The following CSNK1G1 variants were observed in gnomAD, a reference collection of about 807,000 sequenced individuals.
CSNK1G1 encodes the protein casein kinase 1 gamma 1.
Under a neutral mutation model 59.6 loss-of-function variants are expected in CSNK1G1, and 22 were observed. The ratio of observed to expected loss-of-function variants is 0.37; its 90% CI spans 0.26 to 0.53. The LOEUF is 0.53. CSNK1G1 is among the 20% of genes least tolerant of loss of function. The probability of loss-of-function intolerance (pLI) is 0.89; values close to 1 mark genes in which losing one functional copy is unlikely to be tolerated. For synonymous variants in CSNK1G1, 179 were observed against 177.1 expected, an observed-to-expected ratio of 1.01 and a Z score of -0.08; for missense variants, 384 against 519.5, an observed-to-expected ratio of 0.74 and a Z score of 2.54.
Position 64,300,734 on chromosome 15 carries a change from A to C in CSNK1G1, c.-224-11T>G. The C allele has an allele frequency of 8.1e-7, 1 of 1,234,404 alleles. No individual in the cohort carries two copies. Among genetic ancestry groups the C allele is most frequent in the Non-Finnish European group, 1.0e-6 (1 of 987,602 alleles). The allele number at this position is 1,234,404 out of a possible 1,614,324, so 76.5% of individuals were successfully genotyped here. ...TGAACATCTTGTAACCTAGGTAAAAATCAAGAAAACATGTAGTTAAAAATT... is the reference window on the plus strand; with the variant it reads ...TGAACATCTTGTAACCTAGGTAAAACTCAAGAAAACATGTAGTTAAAAATT... On this transcript the variant is annotated splice_polypyrimidine_tract_variant and intron_variant, in intron 1 of 11. Coordinates refer to ENST00000303052, the MANE Select transcript of CSNK1G1 (RefSeq NM_022048.5).
chr15:64,225,735 T>C (rs1313028405), intron 4 of CSNK1G1, among the ~76,000 whole-genome samples: 1 of 152,198 alleles, frequency 6.6e-6, no homozygotes, highest in African/African-American at 2.4e-5. Flanking sequence ...CAACTGATTC[T>C]CCTGCCTCAG....
chr15:64,276,901 C>G (rs981942304), intron 2 of CSNK1G1, among the ~76,000 whole-genome samples: 1 of 148,494 alleles, frequency 6.7e-6, no homozygotes, highest in African/African-American at 2.5e-5. Flanking sequence ...GAGCCAAGAT[C>G]GCACCAGTGC....
At chr15:64,313,821 C>CT (rs1012367923) in intron 1 of CSNK1G1, among the ~76,000 whole-genome samples, 7 of 144,156 alleles carry the variant, frequency 4.9e-5, no homozygotes, top group Non-Finnish European at 9.1e-5. Context: ...AAACCAAGAA[C>CT]TTTTTTTTTA....
intron 10 of CSNK1G1, among the ~76,000 whole-genome samples, chr15:64,191,399 G>A (rs2081968685): frequency 6.6e-6 from 1 of 152,064 alleles, no homozygotes; most frequent in African/African-American, 2.4e-5. Context: ...AAAATGGCTG[G>A]AAATGTATGT....
At chr15:64,197,331 A>C (rs866247920) in intron 10 of CSNK1G1, among the ~76,000 whole-genome samples, 3 of 152,136 alleles carry the variant, frequency 2.0e-5, no homozygotes, top group Admixed American at 1.3e-4. Flanking sequence ...ACTCCCAAAT[A>C]TCTCTCTAGT....
chr15:64,277,836 T>A (rs866910824), intron 2 of CSNK1G1, among the ~76,000 whole-genome samples: 73 of 138,954 alleles, frequency 5.3e-4, no homozygotes, highest in Middle Eastern at 3.6e-3. Context: ...AATAATAATA[T>A]TGATATATTT....
intron 2 of CSNK1G1, among the ~76,000 whole-genome samples, chr15:64,294,960 G>A (rs1402410608): frequency 2.0e-5 from 3 of 150,668 alleles, no homozygotes; most frequent in East Asian, 1.9e-4. Flanking sequence ...GGCCAGGCGC[G>A]GTGGCTCATG....
intron 6 of CSNK1G1, among the ~76,000 whole-genome samples, chr15:64,211,407 G>A (rs1156515813): frequency 6.6e-6 from 1 of 152,100 alleles, no homozygotes; most frequent in Non-Finnish European, 1.5e-5. Flanking sequence ...TGTATTCTCT[G>A]TAATGCAGAG....
chr15:64,184,676 CAAAA>C (rs59052389), intron 10 of CSNK1G1, among the ~76,000 whole-genome samples: 8 of 81,468 alleles, frequency 9.8e-5, no homozygotes, highest in Admixed American at 1.3e-4. Flanking sequence ...AACTCTGTCT[CAAAA>C]AAAAAAAAAA....
chr15:64,171,840 A>T lies in CSNK1G1; in HGVS notation c.*91T>A. The T allele has an allele frequency of 2.6e-6, 3 of 1,144,100 alleles. No individual in the cohort carries two copies. The highest frequency in any genetic ancestry group is 2.7e-6 in the Non-Finnish European group (2 of 754,486). The allele number at this position is 1,144,100 out of a possible 1,614,324, so 70.9% of individuals were successfully genotyped here. The stretch of plus-strand genomic sequence containing the variant: ...TGGTTTGGATATCCACCCTCCCCCA[A>T]AGAGGAGTCCCTTCCAATGAGAAAT... On this transcript the variant is annotated 3_prime_UTR_variant, in exon 12 of 12. Coordinates refer to ENST00000303052, the MANE Select transcript of CSNK1G1 (RefSeq NM_022048.5). The surrounding 1 kb of genome is among the most constrained non-coding windows in gnomAD (Gnocchi z 4.8).
rs1171871487 is a variant in CSNK1G1, at chr15:64,217,087, C to T, written c.293-374G>A. 2.6e-5 allele frequency among the ~76,000 whole-genome samples: 4 copies of T among 152,228 alleles called. No homozygotes were observed. In the East Asian group the frequency reaches 7.7e-4, roughly 29 times the overall value. ...TCACTGAGCTCAAAGGCCAGGCTAA[C>T]ATAACTTGTTACATTATCTGGTTCA... On this transcript the variant is annotated intron_variant, in intron 4 of 11. Transcript: ENST00000303052.
At chr15:64,247,871 A>G (rs1452926518) in intron 4 of CSNK1G1, among the ~76,000 whole-genome samples, 1 of 152,232 alleles carries the variant, frequency 6.6e-6, no homozygotes, top group Non-Finnish European at 1.5e-5. Flanking sequence ...TTAAATTCAT[A>G]ATCAATCATT....
chr15:64,243,996 C>T (rs1439948481), intron 4 of CSNK1G1, among the ~76,000 whole-genome samples: 3 of 151,904 alleles, frequency 2.0e-5, no homozygotes, highest in Non-Finnish European at 1.5e-5. Flanking sequence ...TGGTGAAACC[C>T]CGTCTCTACT....
rs916417428 is a variant in CSNK1G1, at chr15:64,169,567, T to C, written c.*2364A>G. 2.0e-5 allele frequency: 3 copies of C among 152,236 alleles called. No homozygotes were observed. The highest frequency in any genetic ancestry group is 4.4e-5 in the Non-Finnish European group (3 of 68,066). The allele number at this position is 152,236 out of a possible 1,614,324, so 9.4% of individuals were successfully genotyped here. A position where few individuals can be genotyped will look rare whatever the true frequency, so the allele number is the denominator to read the frequency against. ...CCCTCTCTTGAGAGGCAAGGCATTTTCTATACAGGGGTGAGGAAAAGTTAA... is the reference window on the plus strand; with the variant it reads ...CCCTCTCTTGAGAGGCAAGGCATTTCCTATACAGGGGTGAGGAAAAGTTAA... On this transcript the variant is annotated 3_prime_UTR_variant, in exon 12 of 12. Transcript: ENST00000303052.
At chr15:64,318,804 T>C (rs1048374414) in intron 1 of CSNK1G1, among the ~76,000 whole-genome samples, 5 of 151,710 alleles carry the variant, frequency 3.3e-5, no homozygotes, top group African/African-American at 4.8e-5. Flanking sequence ...AGAGACGAGG[T>C]TTCACCATGT....
chr15:64,251,319 T>C (rs766602155), intron 4 of CSNK1G1, 193 bp downstream of exon 4: 18 of 511,496 alleles, frequency 3.5e-5, no homozygotes, highest in Non-Finnish European at 5.9e-5. Context: ...AGCAACACAG[T>C]TCCCCTGTCA....
intron 1 of CSNK1G1, among the ~76,000 whole-genome samples, chr15:64,344,976 T>C (rs547342996): frequency 6.6e-6 from 1 of 152,354 alleles, no homozygotes; most frequent in South Asian, 2.1e-4. Context: ...AGAATCTAAG[T>C]GCTTTCACAC....
intron 1 of CSNK1G1, among the ~76,000 whole-genome samples, chr15:64,308,853 C>T (rs1302863546): frequency 1.3e-5 from 2 of 150,910 alleles, no homozygotes; most frequent in Non-Finnish European, 2.9e-5. Context: ...GCCAAGATCA[C>T]GCCACTGCAC....
In CSNK1G1 at chr15:64,225,922, C is replaced by T. The variant is rs189418302; in HGVS notation, c.293-9209G>A. The stretch of plus-strand genomic sequence containing the variant: ...GATTACAGGCGTGAGACACTGCTCC[C>T]GGCTTACCATATTCTTTTAATTCAA... On this transcript the variant is annotated intron_variant, in intron 4 of 11. Coordinates refer to ENST00000303052, the MANE Select transcript of CSNK1G1 (RefSeq NM_022048.5). 3.1e-4 allele frequency among the ~76,000 whole-genome samples: 47 copies of T among 152,320 alleles called. 1 individual carries two copies. Among genetic ancestry groups the T allele is most frequent in the Admixed American group, 2.2e-3 (33 of 15,302 alleles).
Sources: gnomAD v4.1 joint callset for allele counts (sites outside exome capture counted in the v4.1 genomes callset) on GRCh38, gnomAD v4.1.1 for gene constraint, Gnocchi (gnomAD v3.1) non-coding constraint, MANE v1.5 for transcripts, NCBI Gene and HGNC (gene_info 2026-07-23, HGNC 2026-07-21) for gene names.